Variants in PRDM16 observed in about 807,000 individuals in gnomAD.
PRDM16 encodes the protein histone-lysine N-methyltransferase PRDM16.
A neutral mutation model predicts 110.6 loss-of-function variants in PRDM16; 23 were observed. That is an observed-to-expected ratio of 0.21 (90% CI 0.15 to 0.29). The LOEUF (loss-of-function observed/expected upper bound fraction) is 0.29, where lower values mean the gene tolerates loss of function less well. Among genes scored for constraint, PRDM16 ranks in the 10% least tolerant of loss-of-function variants. The probability of loss-of-function intolerance (pLI) is 1.00; values close to 1 mark genes in which losing one functional copy is unlikely to be tolerated. For synonymous variants in PRDM16, 799 were observed against 781.8 expected, an observed-to-expected ratio of 1.02 and a Z score of -0.37; for missense variants, 1,615 against 1,794.3, an observed-to-expected ratio of 0.90 and a Z score of 1.81.
chr1:3,105,846 G>A (rs1334876649), intron 1 of PRDM16, among the ~76,000 whole-genome samples: 2 of 151,222 alleles, frequency 1.3e-5, no homozygotes, highest in Non-Finnish European at 2.9e-5. Flanking sequence ...CAGGAAACAG[G>A]CGAGAGGCCA....
intron 3 of PRDM16, among the ~76,000 whole-genome samples, chr1:3,337,530 G>A (rs1642185304): frequency 6.6e-6 from 1 of 152,190 alleles, no homozygotes; most frequent in Admixed American, 6.5e-5. Flanking sequence ...TCATCAAGGG[G>A]ACCATCATCA....
Position 3,304,151 on chromosome 1 carries a change from C to T in PRDM16, c.438+60014C>T, listed in dbSNP as rs539162723. ...GCCTTCTGAGGGATGTGCTGGGGAG[C>T]GCAGGAGGCCGTGGGCTCTTTAATC... On this transcript the variant is annotated intron_variant, in intron 3 of 16. Transcript: ENST00000270722. Among the ~76,000 whole-genome samples the T allele has an allele frequency of 2.2e-5, 3 of 136,196 alleles. No individual in the cohort carries two copies. The East Asian group carries it at 6.7e-4, about 31-fold the overall frequency. 89.3% of individuals were successfully genotyped at this position (136,196 alleles called of 152,430 possible).
intron 2 of PRDM16, among the ~76,000 whole-genome samples, chr1:3,205,641 A>G (rs895422272): frequency 2.6e-5 from 4 of 152,168 alleles, no homozygotes; most frequent in Admixed American, 6.5e-5. Flanking sequence ...TTCCTAATCC[A>G]TTTTTTAAAG....
chr1:3,121,934 C>T (rs570967748), intron 1 of PRDM16, among the ~76,000 whole-genome samples: 28 of 152,338 alleles, frequency 1.8e-4, no homozygotes, highest in African/African-American at 6.5e-4. Flanking sequence ...AAGCAAATCC[C>T]GCTCTAATCT....
At chr1:3,432,453 C>T (rs188327411) in intron 16 of PRDM16, among the ~76,000 whole-genome samples, 3 of 152,310 alleles carry the variant, frequency 2.0e-5, no homozygotes, top group Non-Finnish European at 2.9e-5. Flanking sequence ...CCCGCCCAGC[C>T]GCCTTCGTCT....
chr1:3,182,278 G>A (rs1301701582), intron 1 of PRDM16, among the ~76,000 whole-genome samples: 2 of 152,250 alleles, frequency 1.3e-5, no homozygotes, highest in South Asian at 4.1e-4. Context: ...GCCGCTCGGC[G>A]CTCGGGCTGC....
Position 3,175,308 on chromosome 1 carries a change from C to T in PRDM16, c.38-10817C>T, listed in dbSNP as rs992105603. Among the ~76,000 whole-genome samples the T allele has an allele frequency of 1.3e-5, 2 of 152,202 alleles. No individual in the cohort carries two copies. Among genetic ancestry groups the T allele is most frequent in the African/African-American group, 4.8e-5 (2 of 41,454 alleles). ...AGGGCCTTCTGTTCACCAGGGTATA[C>T]TCGGCAGAGATGTAGGTGTACAGAA... On this transcript the variant is annotated intron_variant, in intron 1 of 16. Transcript: ENST00000270722. The surrounding 1 kb of genome is among the most constrained non-coding windows in gnomAD (Gnocchi z 4.8).
intron 3 of PRDM16, among the ~76,000 whole-genome samples, chr1:3,381,218 C>T (rs1316006389): frequency 6.6e-6 from 1 of 152,148 alleles, no homozygotes; most frequent in East Asian, 1.9e-4. Context: ...CCCCCACATA[C>T]ATTTGCACCA....
intron 3 of PRDM16, among the ~76,000 whole-genome samples, chr1:3,311,694 G>T (rs920254483): frequency 6.6e-6 from 1 of 152,190 alleles, no homozygotes; most frequent in South Asian, 2.1e-4. Flanking sequence ...AGTTCTGCCC[G>T]ACCCCGAAGG....
chr1:3,355,238 G>C (rs554443948), intron 3 of PRDM16, among the ~76,000 whole-genome samples: 3 of 152,314 alleles, frequency 2.0e-5, no homozygotes, highest in Non-Finnish European at 2.9e-5. Flanking sequence ...CCTGGCAGGA[G>C]GGGGAGGGAG....
At chr1:3,375,665 C>G (rs1489006576) in intron 3 of PRDM16, among the ~76,000 whole-genome samples, 1 of 152,224 alleles carries the variant, frequency 6.6e-6, no homozygotes, top group Non-Finnish European at 1.5e-5. Context: ...CCTCAAGGCC[C>G]GGGCTTGTGT....
At chr1:3,392,939 G>A (rs1412802474) in intron 4 of PRDM16, among the ~76,000 whole-genome samples, 1 of 152,224 alleles carries the variant, frequency 6.6e-6, no homozygotes, top group Non-Finnish European at 1.5e-5. Context: ...AATACAGTTT[G>A]AATTCGGAGG....
chr1:3,272,780 G>A (rs1208819719), intron 3 of PRDM16, among the ~76,000 whole-genome samples: 1 of 152,190 alleles, frequency 6.6e-6, no homozygotes, highest in Non-Finnish European at 1.5e-5. Context: ...AACAAGGTGG[G>A]CGAGGCCGAG....
chr1:3,261,127 GAA>G (rs36004351), intron 3 of PRDM16, among the ~76,000 whole-genome samples: 65 of 139,480 alleles, frequency 4.7e-4, no homozygotes, highest in African/African-American at 1.4e-3. Flanking sequence ...GCATTAACAA[GAA>G]AAAAAAAAAA....
intron 3 of PRDM16, among the ~76,000 whole-genome samples, chr1:3,259,205 C>T (rs916917603): frequency 1.3e-5 from 2 of 152,132 alleles, no homozygotes; most frequent in East Asian, 1.9e-4. Context: ...AGGGGAGGCT[C>T]GAGTCACCCT....
chr1:3,187,904 T>G (rs1644289321), intron 2 of PRDM16, among the ~76,000 whole-genome samples: 1 of 152,124 alleles, frequency 6.6e-6, no homozygotes, highest in Admixed American at 6.5e-5. Flanking sequence ...GGGTGGAAGC[T>G]GCAGCTCTAC....
At chr1:3,078,614 C>T (rs931294475) in intron 1 of PRDM16, among the ~76,000 whole-genome samples, 1 of 152,346 alleles carries the variant, frequency 6.6e-6, no homozygotes, top group African/African-American at 2.4e-5. Context: ...TGCTGTGAGC[C>T]TCTGCCTCTC....
intron 1 of PRDM16, among the ~76,000 whole-genome samples, chr1:3,160,665 C>A (rs1569721699): frequency 6.6e-6 from 1 of 152,224 alleles, no homozygotes; most frequent in South Asian, 2.1e-4. Flanking sequence ...TGCCCTAGAA[C>A]CCCGTCTGGG....
At chr1:3,293,497 G>A (rs1415252235) in intron 3 of PRDM16, among the ~76,000 whole-genome samples, 3 of 152,228 alleles carry the variant, frequency 2.0e-5, no homozygotes, top group Non-Finnish European at 4.4e-5. Flanking sequence ...CAGGGGCAAC[G>A]TTGGAACGCA....
Sources: allele counts gnomAD v4.1 joint callset (sites outside exome capture counted in the v4.1 genomes callset), GRCh38; gene constraint gnomAD v4.1.1; non-coding constraint Gnocchi (gnomAD v3.1); transcripts MANE v1.5; gene names NCBI Gene and HGNC (gene_info 2026-07-23, HGNC 2026-07-21).